CTNNA3: variants seen among roughly 807,000 people sequenced by gnomAD.
CTNNA3 encodes catenin alpha-3.
A neutral mutation model predicts 95.7 loss-of-function variants in CTNNA3; 76 were observed. The ratio of observed to expected loss-of-function variants is 0.79; its 90% confidence interval spans 0.66 to 0.96. The LOEUF (loss-of-function observed/expected upper bound fraction) is 0.96, where lower values mean the gene tolerates loss of function less well. Among genes scored for constraint, CTNNA3 ranks in the 40% least tolerant of loss-of-function variants. The pLI, the probability that CTNNA3 is intolerant of heterozygous loss-of-function variation, is 0.00. For missense variants in CTNNA3, 1,191 were observed against 1,089.8 expected, an observed-to-expected ratio of 1.09 and a Z score of -1.31; for synonymous variants, 431 against 374.4, an observed-to-expected ratio of 1.15 and a Z score of -1.74.
At chr10:67,405,308 C>T (rs75670122) in intron 5 of CTNNA3, among the ~76,000 whole-genome samples, 5,799 of 152,062 alleles carry the variant, frequency 0.038, 163 homozygotes, top group South Asian at 0.1. Context: ...CCATCTCACA[C>T]GCAAAAACAT....
At chr10:66,532,295 T>C (rs1214657037) in intron 10 of CTNNA3, among the ~76,000 whole-genome samples, 1 of 152,026 alleles carries the variant, frequency 6.6e-6, no homozygotes, top group Non-Finnish European at 1.5e-5. Context: ...ACCCCGTCTC[T>C]ACTAAAAATA....
intron 5 of CTNNA3, among the ~76,000 whole-genome samples, chr10:67,417,545 CT>C: frequency 6.6e-6 from 1 of 152,082 alleles, no homozygotes; most frequent in South Asian, 2.1e-4. Context: ...CCTAAAAGTC[CT>C]TATAGAAAGC....
At chr10:67,542,982 T>TA (rs1255589971) in intron 3 of CTNNA3, among the ~76,000 whole-genome samples, 1 of 152,166 alleles carries the variant, frequency 6.6e-6, no homozygotes, top group Non-Finnish European at 1.5e-5. Context: ...ATCTTGCTTA[T>TA]AATGCTTTTA....
chr10:66,766,236 T>C (rs780217840), intron 9 of CTNNA3, 28 bp downstream of exon 9: 10 of 1,607,570 alleles, frequency 6.2e-6, no homozygotes, highest in South Asian at 1.1e-5. Context: ...TCCTGGACTT[T>C]AGTGAGTTAC....
intron 5 of CTNNA3, among the ~76,000 whole-genome samples, chr10:67,261,832 T>C (rs1342623176): frequency 1.3e-5 from 2 of 152,176 alleles, no homozygotes; most frequent in Non-Finnish European, 2.9e-5. Flanking sequence ...AAATGGCTCA[T>C]TTTCAGTGAT....
chr10:66,135,738 C>T (rs1205692894), intron 13 of CTNNA3, among the ~76,000 whole-genome samples: 2 of 152,022 alleles, frequency 1.3e-5, no homozygotes, highest in South Asian at 2.1e-4. Flanking sequence ...TTGCAGACAC[C>T]GCCTTTACTA....
At chr10:66,232,212 A>T (rs1211200471) in intron 13 of CTNNA3, among the ~76,000 whole-genome samples, 1 of 152,160 alleles carries the variant, frequency 6.6e-6, no homozygotes, top group Non-Finnish European at 1.5e-5. Context: ...GGACCCACAA[A>T]ATCTATGAGA....
intron 4 of CTNNA3, among the ~76,000 whole-genome samples, chr10:67,536,417 T>C (rs540994212): frequency 6.6e-6 from 1 of 152,282 alleles, no homozygotes; most frequent in Admixed American, 6.5e-5. Flanking sequence ...ATTGAGATTG[T>C]TATCATTGTT....
chr10:67,762,256 A>C (rs377056662), intron 1 of CTNNA3, among the ~76,000 whole-genome samples: 14 of 152,160 alleles, frequency 9.2e-5, no homozygotes, highest in African/African-American at 3.1e-4. Context: ...CTAAAAGTTA[A>C]ATGTTAAATA....
intron 5 of CTNNA3, among the ~76,000 whole-genome samples, chr10:67,466,365 A>G (rs1449026884): frequency 6.6e-6 from 1 of 152,198 alleles, no homozygotes; most frequent in East Asian, 1.9e-4. Context: ...ATAGCTTTCT[A>G]CATGCAGTCA....
chr10:66,036,168 T>C (rs995463054), intron 15 of CTNNA3, among the ~76,000 whole-genome samples: 1 of 152,148 alleles, frequency 6.6e-6, no homozygotes, highest in Admixed American at 6.5e-5. Flanking sequence ...GCATATGGAT[T>C]TGTAACATTA....
intron 11 of CTNNA3, among the ~76,000 whole-genome samples, chr10:66,401,671 T>TC (rs2093023026): frequency 6.7e-6 from 1 of 149,440 alleles, no homozygotes; most frequent in African/African-American, 2.5e-5. Context: ...TTTTTTTTTT[T>TC]TTTTTGAGAT....
chr10:66,139,331 C>A (rs990383417), intron 13 of CTNNA3, among the ~76,000 whole-genome samples: 15 of 151,884 alleles, frequency 9.9e-5, no homozygotes, highest in African/African-American at 3.6e-4. Flanking sequence ...CAAGATTACC[C>A]CTGATGCCAT....
At chr10:66,261,586 A>T (rs1343659944) in intron 13 of CTNNA3, among the ~76,000 whole-genome samples, 1 of 152,112 alleles carries the variant, frequency 6.6e-6, no homozygotes, top group Non-Finnish European at 1.5e-5. Context: ...TCTGGACAGA[A>T]ATATGGCTAT....
intron 10 of CTNNA3, among the ~76,000 whole-genome samples, chr10:66,527,334 A>T (rs1841304872): frequency 6.6e-6 from 1 of 152,136 alleles, no homozygotes. Flanking sequence ...TTGAAATTAG[A>T]AAGTGTGAGG....
intron 9 of CTNNA3, among the ~76,000 whole-genome samples, chr10:66,714,133 T>C (rs1186344377): frequency 6.6e-6 from 1 of 152,102 alleles, no homozygotes; most frequent in Non-Finnish European, 1.5e-5. Flanking sequence ...GTATTGACTG[T>C]TATTGATAAA....
intron 1 of CTNNA3, among the ~76,000 whole-genome samples, chr10:67,667,323 A>T (rs776318772): frequency 6.6e-6 from 1 of 152,182 alleles, no homozygotes; most frequent in Non-Finnish European, 1.5e-5. Flanking sequence ...TTTATTCTAA[A>T]AATAAAAATT....
intron 7 of CTNNA3, among the ~76,000 whole-genome samples, chr10:67,039,743 C>A (rs1163711723): frequency 1.3e-5 from 2 of 152,088 alleles, no homozygotes; most frequent in African/African-American, 4.8e-5. Flanking sequence ...AAAATCGAAA[C>A]AAGCAAGTAG....
intron 13 of CTNNA3, among the ~76,000 whole-genome samples, chr10:66,147,374 T>A (rs1325101744): frequency 6.6e-6 from 1 of 152,124 alleles, no homozygotes; most frequent in Non-Finnish European, 1.5e-5. Flanking sequence ...TAAAAAGAAC[T>A]AATATTTTAC....
Sources: allele counts gnomAD v4.1 joint callset (sites outside exome capture counted in the v4.1 genomes callset), GRCh38; gene constraint gnomAD v4.1.1; transcripts MANE v1.5; gene names NCBI Gene and HGNC (gene_info 2026-07-23, HGNC 2026-07-21).